The following MCUR1 variants were observed in gnomAD, a reference collection of about 807,000 sequenced individuals.
MCUR1 encodes the protein mitochondrial calcium uniporter regulator 1, also known as MCU regulator 1.
In MCUR1, 37 loss-of-function variants were observed where a neutral mutation model predicts 42.0. That is an observed-to-expected ratio of 0.88 (90% CI 0.68 to 1.16). The LOEUF is 1.16. Ranked by LOEUF, MCUR1 falls within the 50% of genes most tolerant of loss-of-function variation. The pLI, the probability that MCUR1 is intolerant of heterozygous loss-of-function variation, is 0.00. For missense variants in MCUR1, 469 were observed against 468.4 expected, an observed-to-expected ratio of 1.00 and a Z score of -0.01; for synonymous variants, 229 against 196.2, an observed-to-expected ratio of 1.17 and a Z score of -1.40.
Position 13,787,701 on chromosome 6 carries a change from GAT to G in MCUR1, c.*3106_*3107del, listed in dbSNP as rs986503299. 2 of 152,148 alleles carry G rather than the reference GAT, an allele frequency of 1.3e-5. No individual in the cohort carries two copies. The highest frequency in any genetic ancestry group is 2.4e-5 in the African/African-American group (1 of 41,420). The allele number at this position is 152,148 out of a possible 1,614,324, so 9.4% of individuals were successfully genotyped here. ...TCGTTCCCTCCACCTGCACCTAGAGGATATGTGTTCAGGATCTCGCTATGGTT... is the reference window on the plus strand; with the variant it reads ...TCGTTCCCTCCACCTGCACCTAGAGGATGTGTTCAGGATCTCGCTATGGTT... On this transcript the variant is annotated 3_prime_UTR_variant, in exon 9 of 9. Transcript: ENST00000379170.
At chr6:13,801,475 G>A (rs531844074) in intron 3 of MCUR1, 86 bp from the exon 4 acceptor site, 5 of 902,006 alleles carry the variant, frequency 5.5e-6, no homozygotes, top group Non-Finnish European at 8.8e-6. Flanking sequence ...TTCTTATTGA[G>A]AAACCAGGAC....
chr6:13,803,160 C>A (rs892156908), intron 2 of MCUR1, among the ~76,000 whole-genome samples: 1 of 152,114 alleles, frequency 6.6e-6, no homozygotes, highest in Non-Finnish European at 1.5e-5. Flanking sequence ...CTCCCGGGTT[C>A]AAGCCATTCT....
chr6:13,792,959 A>G (rs1320397936), intron 7 of MCUR1, among the ~76,000 whole-genome samples: 2 of 151,946 alleles, frequency 1.3e-5, no homozygotes, highest in Non-Finnish European at 2.9e-5. Flanking sequence ...ACTGAGATTT[A>G]AACTTTCTTA....
At chr6:13,793,001 A>G (rs1311971765) in intron 7 of MCUR1, among the ~76,000 whole-genome samples, 1 of 151,970 alleles carries the variant, frequency 6.6e-6, no homozygotes, top group Non-Finnish European at 1.5e-5. Flanking sequence ...ACAAACTCTC[A>G]AGTAGGGCAT....
At chr6:13,791,404 G>A (rs1360250861) in intron 8 of MCUR1, among the ~76,000 whole-genome samples, 1 of 152,148 alleles carries the variant, frequency 6.6e-6, no homozygotes, top group Non-Finnish European at 1.5e-5. Flanking sequence ...ATTAATCCAA[G>A]ACGTTAAATC....
Position 13,814,430 on chromosome 6 carries a change from C to A in MCUR1, c.-1G>T. ...GGCCGCCGACCGAGCCGCAGTCCAT[C>A]CCCGAGCAGTTCACTGGCCCGGGCG... On this transcript the variant is annotated 5_prime_UTR_variant, in exon 1 of 9. Transcript: ENST00000379170. 6.5e-7 allele frequency: 1 copy of A among 1,526,888 alleles called. No homozygotes were observed. Among genetic ancestry groups the A allele is most frequent in the Non-Finnish European group, 8.7e-7 (1 of 1,147,898 alleles). 94.6% of individuals were successfully genotyped at this position (1,526,888 alleles called of 1,614,324 possible). A position where few individuals can be genotyped will look rare whatever the true frequency, so the allele number is the denominator to read the frequency against.
Position 13,807,047 on chromosome 6 carries a change from A to G in MCUR1, c.416-3T>C. 6.2e-7 allele frequency: 1 copy of G among 1,600,818 alleles called. No homozygotes were observed. Among genetic ancestry groups the G allele is most frequent in the Non-Finnish European group, 8.5e-7 (1 of 1,172,454 alleles). On this transcript the variant is annotated splice_region_variant and splice_polypyrimidine_tract_variant and intron_variant, in intron 1 of 8. Transcript: ENST00000379170. ...GGATCCAGCAGACAAGCTTAGCTCT[A>G]GGGTGGAAAGGACAGTAAGCTCAAA... is the stretch of plus-strand genomic sequence containing the variant.
In MCUR1 at chr6:13,788,300, A is replaced by AAC. The variant is rs1759646818; in HGVS notation, c.*2508_*2509insGT. On this transcript the variant is annotated 3_prime_UTR_variant, in exon 9 of 9. Coordinates refer to ENST00000379170, the MANE Select transcript of MCUR1 (RefSeq NM_001031713.4). ...CAAATAAAATACATCTGACCAAATA[A>AAC]AGTGAACACAGTCCTGAGCCCTCCT... The AAC allele has an allele frequency of 6.6e-6, 1 of 152,216 alleles. No individual in the cohort carries two copies. 9.4% of individuals were successfully genotyped at this position (152,216 alleles called of 1,614,324 possible).
rs1187284950 is a variant in MCUR1 at position 13,803,683 on chromosome 6, A to AAC, written c.536-1339_536-1338dup. The AAC allele has an allele frequency of 8.7e-6, 6 of 689,020 alleles. 1 individual carries two copies. The African/African-American group carries it at 3.1e-4, about 36-fold the overall frequency. 42.7% of individuals were successfully genotyped at this position (689,020 alleles called of 1,614,324 possible). On this transcript the variant is annotated intron_variant, in intron 2 of 8. Coordinates refer to ENST00000379170, the MANE Select transcript of MCUR1 (RefSeq NM_001031713.4). ...TTTCGTCAAAATTCTTTAATTTTTC[A>AAC]ACATGTTATACACATGTCTAGAAAA...
At chr6:13,802,405 T>C (rs1760011269) in intron 2 of MCUR1, 59 bp from the exon 3 acceptor site, 1 of 1,316,974 alleles carries the variant, frequency 7.6e-7, no homozygotes, top group Non-Finnish European at 1.1e-6. Context: ...CCACAGCAAA[T>C]GCACACATTC....
chr6:13,794,028 C>A, intron 6 of MCUR1, 81 bp from the exon 7 acceptor site: 1 of 1,261,952 alleles, frequency 7.9e-7, no homozygotes, highest in African/African-American at 1.5e-5. Flanking sequence ...ATATTCTGGT[C>A]TCAGTACCTC....
At chr6:13,809,864 A>G (rs1426273643) in intron 1 of MCUR1, among the ~76,000 whole-genome samples, 1 of 151,922 alleles carries the variant, frequency 6.6e-6, no homozygotes, top group African/African-American at 2.4e-5. Flanking sequence ...TGATTGCACC[A>G]CTGCACTCCA....
In MCUR1 at chr6:13,806,960, TCGAA is replaced by T. The variant is rs1760124412; in HGVS notation, c.496_499del (p.Phe166ThrfsTer5). ...CAGTAAGCACACTAAGGCATGAGTG[TCGAA>T]GTAGAGTTTCCTGCTCCCAGAAGAG... On this transcript the variant is annotated frameshift_variant, in exon 2 of 9. Coordinates refer to ENST00000379170, the MANE Select transcript of MCUR1 (RefSeq NM_001031713.4). LOFTEE classifies it high-confidence loss of function. 6.2e-7 allele frequency: 1 copy of T among 1,613,514 alleles called. No homozygotes were observed. The highest frequency in any genetic ancestry group is 2.2e-5 in the East Asian group (1 of 44,866).
chr6:13,803,054 C>A (rs1340307066), intron 2 of MCUR1, among the ~76,000 whole-genome samples: 1 of 151,960 alleles, frequency 6.6e-6, no homozygotes, highest in Non-Finnish European at 1.5e-5. Flanking sequence ...AGATTCAATG[C>A]AGTACTTGGT....
At chr6:13,797,404 A>G (rs1479107154) in intron 6 of MCUR1, among the ~76,000 whole-genome samples, 1 of 152,142 alleles carries the variant, frequency 6.6e-6, no homozygotes, top group Non-Finnish European at 1.5e-5. Context: ...AACCCGACAC[A>G]TATCTTTATT....
At chr6:13,794,048 G>C (rs188520044) in intron 6 of MCUR1, 101 bp from the exon 7 acceptor site, 6 of 982,410 alleles carry the variant, frequency 6.1e-6, no homozygotes, top group Admixed American at 3.9e-5. Flanking sequence ...CCTAGAATAC[G>C]TAACACCAGA....
In MCUR1 at chr6:13,808,544, C is replaced by T. The variant is rs144740990; in HGVS notation, c.416-1500G>A. Among the ~76,000 whole-genome samples, 27 of 152,132 alleles carry T rather than the reference C, an allele frequency of 1.8e-4. No individual in the cohort carries two copies. The South Asian group carries it at 4.6e-3, about 26-fold the overall frequency. On this transcript the variant is annotated intron_variant, in intron 1 of 8. Coordinates refer to ENST00000379170, the MANE Select transcript of MCUR1 (RefSeq NM_001031713.4). ...TTTCTTTTGTTGCCTGTGCTTTTTT[C>T]TTTTGTTGCTTGTGCTTTTGATAAC...
chr6:13,803,905 G>A, intron 2 of MCUR1: 1 of 977,746 alleles, frequency 1.0e-6, no homozygotes, highest in Non-Finnish European at 1.2e-6. Context: ...GACCAAGGCG[G>A]GAGGATCTTT....
chr6:13,801,648 G>A (rs1325166180), intron 3 of MCUR1, among the ~76,000 whole-genome samples: 1 of 152,112 alleles, frequency 6.6e-6, no homozygotes, highest in Non-Finnish European at 1.5e-5. Flanking sequence ...CAAGGAGTTC[G>A]AGACCAGCTT....
Sources: gnomAD v4.1 joint callset for allele counts (sites outside exome capture counted in the v4.1 genomes callset) on GRCh38, gnomAD v4.1.1 for gene constraint, MANE v1.5 for transcripts, NCBI Gene and HGNC (gene_info 2026-07-23, HGNC 2026-07-21) for gene names.